The following GRID2 variants were observed in gnomAD, a reference collection of about 807,000 sequenced individuals.
GRID2 encodes the protein glutamate receptor ionotropic, delta-2.
Under a neutral mutation model 114.8 loss-of-function variants are expected in GRID2, and 33 were observed. The observed-to-expected ratio is 0.29, with a 90% CI of 0.22 to 0.38. GRID2 has a LOEUF of 0.38. GRID2 is among the 10% of genes least tolerant of loss of function. The pLI is 1.00. For missense variants in GRID2, 1,184 were observed against 1,257.7 expected (o/e 0.94, Z 0.89); for synonymous variants, 505 against 449.9 (o/e 1.12, Z -1.55).
intron 3 of GRID2, 52 bp from the exon 4 acceptor site, chr4:93,110,696 T>C (rs1732677592): frequency 1.7e-6 from 2 of 1,190,094 alleles, no homozygotes; most frequent in Admixed American, 3.4e-5. Flanking sequence ...GCTTATGCCT[T>C]CCTTCTGTAC....
At chr4:92,311,692 T>A (rs1428036753) in intron 1 of GRID2, among the ~76,000 whole-genome samples, 1 of 152,072 alleles carries the variant, frequency 6.6e-6, no homozygotes, top group Non-Finnish European at 1.5e-5. Context: ...AATAAAGTCA[T>A]TATAATTCTA....
intron 14 of GRID2, among the ~76,000 whole-genome samples, chr4:93,671,659 A>G (rs1175028737): frequency 2.0e-5 from 3 of 152,136 alleles, no homozygotes. Flanking sequence ...ACAACACTAT[A>G]TATATTATCA....
intron 2 of GRID2, among the ~76,000 whole-genome samples, chr4:92,744,222 G>A (rs1301838695): frequency 2.0e-5 from 3 of 152,172 alleles, no homozygotes; most frequent in South Asian, 4.2e-4. Flanking sequence ...GGCCAGGCAC[G>A]GTGGCTGACA....
At chr4:92,552,505 G>T (rs1394322723) in intron 1 of GRID2, among the ~76,000 whole-genome samples, 1 of 152,150 alleles carries the variant, frequency 6.6e-6, no homozygotes, top group Non-Finnish European at 1.5e-5. Context: ...GTAGCTGTAA[G>T]ACAGAGCTAT....
At chr4:92,337,095 G>A (rs969719749) in intron 1 of GRID2, among the ~76,000 whole-genome samples, 2 of 150,642 alleles carry the variant, frequency 1.3e-5, no homozygotes, top group African/African-American at 4.9e-5. Flanking sequence ...GTCAGGGACT[G>A]TATCTTAACT....
At chr4:93,090,770 C>T (rs1730716279) in intron 3 of GRID2, among the ~76,000 whole-genome samples, 1 of 152,076 alleles carries the variant, frequency 6.6e-6, no homozygotes, top group African/African-American at 2.4e-5. Flanking sequence ...AGTTATAGTA[C>T]TGGAAGTGGG....
chr4:93,297,809 C>CT (rs1276559080), intron 8 of GRID2, among the ~76,000 whole-genome samples: 1 of 152,138 alleles, frequency 6.6e-6, no homozygotes, highest in Non-Finnish European at 1.5e-5. Flanking sequence ...ATATTATTCT[C>CT]TTTCACTTGA....
At chr4:93,068,192 A>G (rs1384545754) in intron 2 of GRID2, among the ~76,000 whole-genome samples, 2 of 152,054 alleles carry the variant, frequency 1.3e-5, no homozygotes, top group Middle Eastern at 3.2e-3. Context: ...AAAAAATGTG[A>G]ATAATGGTAA....
At chr4:93,025,577 ATTATT>A (rs1723807095) in intron 2 of GRID2, among the ~76,000 whole-genome samples, 1 of 151,808 alleles carries the variant, frequency 6.6e-6, no homozygotes, top group Admixed American at 6.6e-5. Context: ...TATGTAGATT[ATTATT>A]TTAAGTAGTC....
chr4:92,636,443 T>C (rs1016358738), intron 2 of GRID2, among the ~76,000 whole-genome samples: 1 of 152,052 alleles, frequency 6.6e-6, no homozygotes, highest in African/African-American at 2.4e-5. Context: ...TTGTTAAGAA[T>C]CATGTTAATT....
At chr4:93,172,460 C>T (rs1023470057) in intron 4 of GRID2, among the ~76,000 whole-genome samples, 8 of 151,944 alleles carry the variant, frequency 5.3e-5, no homozygotes, top group Non-Finnish European at 1.2e-4. Flanking sequence ...AGCATGGTGG[C>T]ACGTGCCTTT....
At position 93,075,886 on chromosome 4, in the gene GRID2, T is replaced by C. The variant is rs1729232579; in HGVS notation, c.245-9109T>C. On this transcript the variant is annotated intron_variant, in intron 2 of 15. Transcript: ENST00000282020. ...TTGGGATGTCGAAGTTACCTCTCTT[T>C]TTTTTTTTTTTTTTTTTTTTTTTTT... Among the ~76,000 whole-genome samples the C allele has an allele frequency of 6.6e-4, 17 of 25,842 alleles. No individual in the cohort carries two copies. In the East Asian group the frequency reaches 8.8e-3, roughly 13 times the overall value. The allele number at this position is 25,842 out of a possible 152,430, so 17.0% of individuals were successfully genotyped here.
intron 2 of GRID2, among the ~76,000 whole-genome samples, chr4:93,050,674 T>C (rs946700876): frequency 3.3e-5 from 5 of 152,028 alleles, no homozygotes; most frequent in Admixed American, 3.3e-4. Flanking sequence ...GATGAATGAA[T>C]ACATTCGACT....
At chr4:92,443,760 C>T (rs62312210) in intron 1 of GRID2, among the ~76,000 whole-genome samples, 21,508 of 152,116 alleles carry the variant, frequency 0.14, 1,828 homozygotes, top group South Asian at 0.21. Flanking sequence ...CAGGACTTGC[C>T]GCTAAGGGTG....
chr4:93,275,541 T>C (rs540755631), intron 8 of GRID2, among the ~76,000 whole-genome samples: 117 of 151,778 alleles, frequency 7.7e-4, no homozygotes, highest in Non-Finnish European at 1.5e-3. Context: ...CCATACTGTT[T>C]AGTGTCTCCA....
At chr4:93,786,715 CTA>C (rs1285252926) in intron 1 of GRID2, among the ~76,000 whole-genome samples, 2 of 152,200 alleles carry the variant, frequency 1.3e-5, no homozygotes, top group Non-Finnish European at 2.9e-5. Context: ...GAAAAGCTAT[CTA>C]GAGCAACATG....
chr4:93,731,628 G>A lies in GRID2; in HGVS notation c.2361-37582G>A, dbSNP rs1465180808. Among the ~76,000 whole-genome samples the A allele has an allele frequency of 3.3e-5, 5 of 152,314 alleles. No individual in the cohort carries two copies. In the East Asian group the frequency reaches 9.6e-4, roughly 29 times the overall value. ...GAGAAAAAGCCCCAGGACCTGGGGT[G>A]AAGCCTTCTAAGCAGAGTCAGTGAC... is the stretch of plus-strand genomic sequence containing the variant. On this transcript the variant is annotated intron_variant, in intron 14 of 15. Transcript: ENST00000282020.
At chr4:92,605,983 A>G (rs953851440) in intron 2 of GRID2, among the ~76,000 whole-genome samples, 8 of 143,894 alleles carry the variant, frequency 5.6e-5, no homozygotes, top group African/African-American at 2.0e-4. Flanking sequence ...TCTGATTTTG[A>G]ATTTAATTAT....
rs182073535 is a variant in GRID2 at position 92,565,457 on chromosome 4, A to C, written c.89-24674A>C. On this transcript the variant is annotated intron_variant, in intron 1 of 15. Transcript: ENST00000282020. ...AGAAGATCAAACTATTATATCCCACAGGGGAAATATTTTAAATCTTTCACA... is the reference window on the plus strand; with the variant it reads ...AGAAGATCAAACTATTATATCCCACCGGGGAAATATTTTAAATCTTTCACA... Among the ~76,000 whole-genome samples the C allele has an allele frequency of 3.6e-3, 544 of 152,150 alleles. 1 individual carries two copies. The highest frequency in any genetic ancestry group is 0.01 in the Middle Eastern group (3 of 292).
Sources: allele counts gnomAD v4.1 joint callset (sites outside exome capture counted in the v4.1 genomes callset), GRCh38; gene constraint gnomAD v4.1.1; transcripts MANE v1.5; gene names NCBI Gene and HGNC (gene_info 2026-07-23, HGNC 2026-07-21).